PLEKHG1: variants seen among roughly 807,000 people sequenced by gnomAD.
The protein encoded by PLEKHG1 is pleckstrin homology and RhoGEF domain containing G1.
A neutral mutation model predicts 100.8 loss-of-function variants in PLEKHG1; 44 were observed. The observed-to-expected ratio is 0.44, with a 90% CI of 0.34 to 0.56. The LOEUF (loss-of-function observed/expected upper bound fraction) is 0.56. Ranked by LOEUF, PLEKHG1 falls within the 20% of genes least tolerant of loss-of-function variation. PLEKHG1 has a pLI of 0.01. For missense variants in PLEKHG1, 1,545 were observed against 1,720.9 expected, an observed-to-expected ratio of 0.90 and a Z score of 1.81; for synonymous variants, 640 against 662.5, an observed-to-expected ratio of 0.97 and a Z score of 0.52.
intron 7 of PLEKHG1, among the ~76,000 whole-genome samples, chr6:150,808,492 A>G (rs1044875698): frequency 3.3e-5 from 5 of 151,934 alleles, no homozygotes; most frequent in African/African-American, 7.3e-5. Context: ...GCTCACTTCT[A>G]TAATCCCAGC....
intron 1 of PLEKHG1, 113 bp from the exon 3 acceptor site, chr6:150,733,471 T>C: frequency 1.1e-6 from 1 of 885,960 alleles, no homozygotes; most frequent in Admixed American, 3.0e-5. Context: ...CCTTCTGTAA[T>C]TGGCCACCTT....
chr6:150,659,582 AAAT>A, intron 3 of PLEKHG1, among the ~76,000 whole-genome samples: 3 of 152,244 alleles, frequency 2.0e-5, no homozygotes, highest in Non-Finnish European at 4.4e-5. Context: ...GCAGACTGTC[AAAT>A]GGAGCTATGG....
intron 4 of PLEKHG1, among the ~76,000 whole-genome samples, chr6:150,792,073 G>A (rs1786012658): frequency 6.6e-6 from 1 of 152,200 alleles, no homozygotes; most frequent in African/African-American, 2.4e-5. Flanking sequence ...CTAATCAAAA[G>A]TGCTGTAGTC....
intron 3 of PLEKHG1, among the ~76,000 whole-genome samples, chr6:150,652,572 T>C (rs1778793719): frequency 1.3e-5 from 2 of 151,688 alleles, no homozygotes; most frequent in Admixed American, 1.3e-4. Context: ...AATACAAAAT[T>C]AGCTGGGCGT....
At chr6:150,644,355 T>TTTTTTTTTTTTTTTTTTTTTTTTAG (rs1554255849) in intron 2 of PLEKHG1, among the ~76,000 whole-genome samples, 1 of 148,620 alleles carries the variant, frequency 6.7e-6, no homozygotes, top group Admixed American at 6.7e-5. Context: ...TTTTTTTTGT[T>TTTTTTTTTTTTTTTTTTTTTTTTAG]ACAGAGTCTC....
At chr6:150,660,842 C>G (rs184401629) in intron 3 of PLEKHG1, among the ~76,000 whole-genome samples, 4 of 152,308 alleles carry the variant, frequency 2.6e-5, no homozygotes, top group Admixed American at 2.0e-4. Flanking sequence ...TATTTCTAAA[C>G]AAAAGACATA....
At chr6:150,604,243 GA>G (rs1434248655) in intron 1 of PLEKHG1, among the ~76,000 whole-genome samples, 1 of 152,174 alleles carries the variant, frequency 6.6e-6, no homozygotes, top group Non-Finnish European at 1.5e-5. Context: ...TCTAATATTT[GA>G]AGTGGTGAAT....
chr6:150,727,428 A>G (rs75505082), intron 1 of PLEKHG1, among the ~76,000 whole-genome samples: 4,275 of 152,286 alleles, frequency 0.028, 74 homozygotes, highest in South Asian at 0.052. Context: ...TGGCAGTGAT[A>G]TTCCAAAAGA....
chr6:150,722,011 G>GAA (rs10693654), intron 1 of PLEKHG1, among the ~76,000 whole-genome samples: 137,937 of 152,114 alleles, frequency 0.91, 62,649 homozygotes, highest in East Asian at 0.93. Flanking sequence ...AGCTATTGAA[G>GAA]AAGAGATATT....
chr6:150,782,559 T>C (rs1401545085), intron 3 of PLEKHG1, among the ~76,000 whole-genome samples: 3 of 152,176 alleles, frequency 2.0e-5, no homozygotes, highest in Non-Finnish European at 4.4e-5. Flanking sequence ...ATTAAAATAC[T>C]CCCTCCTTTT....
At chr6:150,790,199 A>AT (rs1412494580) in intron 4 of PLEKHG1, among the ~76,000 whole-genome samples, 2 of 151,684 alleles carry the variant, frequency 1.3e-5, no homozygotes, top group South Asian at 2.1e-4. Flanking sequence ...TTTTGTATTT[A>AT]TTTTTTTAGT....
chr6:150,811,181 C>T (rs2128671016), intron 10 of PLEKHG1, among the ~76,000 whole-genome samples: 1 of 152,136 alleles, frequency 6.6e-6, no homozygotes, highest in East Asian at 1.9e-4. Flanking sequence ...CAGAGTATAA[C>T]CCAGGTGTTG....
At chr6:150,764,823 T>C (rs1784375104) in intron 2 of PLEKHG1, among the ~76,000 whole-genome samples, 1 of 152,204 alleles carries the variant, frequency 6.6e-6, no homozygotes, top group Non-Finnish European at 1.5e-5. Context: ...CTTCCGCCTT[T>C]CCTGCCCTCT....
rs1011369801 is a variant in PLEKHG1, at chr6:150,824,071, G to A, written c.1470+395G>A. 3.8e-4 allele frequency among the ~76,000 whole-genome samples: 58 copies of A among 152,258 alleles called. 1 individual carries two copies. The highest frequency in any genetic ancestry group is 1.2e-3 in the African/African-American group (50 of 41,558). ...GGATATAACTCCCTCCTCCAAGCGC[G>A]AGCCTTCATTCACAAGGGCGAGGGG... On this transcript the variant is annotated intron_variant, in intron 14 of 15. Transcript: ENST00000358517.
chr6:150,734,980 A>ATTTTTT (rs397888221), intron 2 of PLEKHG1, among the ~76,000 whole-genome samples: 4 of 102,888 alleles, frequency 3.9e-5, no homozygotes, highest in African/African-American at 7.5e-5. Flanking sequence ...TCAAGGGCAG[A>ATTTTTT]TTTTTTTTTT....
chr6:150,677,576 TA>T (rs1392335621), intron 3 of PLEKHG1, among the ~76,000 whole-genome samples: 3 of 152,208 alleles, frequency 2.0e-5, no homozygotes, highest in East Asian at 3.9e-4. Flanking sequence ...GGGGCCCACT[TA>T]TGTTCACACA....
chr6:150,840,402 T>C, exon 16 of PLEKHG1: 1 of 1,614,196 alleles, frequency 6.2e-7, no homozygotes, highest in South Asian at 1.1e-5. Context: ...TCACCAGGAC[T>C]TGCTGCCAGA....
chr6:150,802,080 A>C (rs2128664142), intron 6 of PLEKHG1, among the ~76,000 whole-genome samples: 1 of 152,290 alleles, frequency 6.6e-6, no homozygotes, highest in Non-Finnish European at 1.5e-5. Context: ...TTTTTAAGTG[A>C]TTCCAGGTTT....
intron 13 of PLEKHG1, among the ~76,000 whole-genome samples, chr6:150,822,859 A>G (rs1381117176): frequency 6.6e-6 from 1 of 152,210 alleles, no homozygotes; most frequent in Non-Finnish European, 1.5e-5. Context: ...TTATGCCTGT[A>G]ATCCCAGCTA....
Sources: gnomAD v4.1 joint callset for allele counts (sites outside exome capture counted in the v4.1 genomes callset) on GRCh38, gnomAD v4.1.1 for gene constraint, MANE v1.5 for transcripts, NCBI Gene and HGNC (gene_info 2026-07-23, HGNC 2026-07-21) for gene names.